Variants in RPS6KC1 observed in about 807,000 individuals in gnomAD.
RPS6KC1 encodes inactive ribosomal protein S6 kinase delta-1.
RPS6KC1 carries 54 observed loss-of-function variants against 103.8 expected under a neutral mutation model. That is an observed-to-expected ratio of 0.52 (90% CI 0.42 to 0.65). The LOEUF (loss-of-function observed/expected upper bound fraction) is 0.65. RPS6KC1 is among the 30% of genes least tolerant of loss of function. The pLI, the probability that RPS6KC1 is intolerant of heterozygous loss-of-function variation, is 0.00. For missense variants in RPS6KC1, 1,151 were observed against 1,253.8 expected, an observed-to-expected ratio of 0.92 and a Z score of 1.24; for synonymous variants, 439 against 438.7, an observed-to-expected ratio of 1.00 and a Z score of -0.01.
the RPS6KC1 span, among the ~76,000 whole-genome samples, chr1:213,862,511 G>T: frequency 1.3e-5 from 2 of 152,024 alleles, no homozygotes; most frequent in African/African-American, 4.8e-5. Context: ...ATAAAGCAGC[G>T]ATTTTTTTTT....
chr1:213,474,852 C>T, the RPS6KC1 span, among the ~76,000 whole-genome samples: 6 of 152,054 alleles, frequency 3.9e-5, no homozygotes, highest in African/African-American at 9.7e-5. Context: ...GCTATGAGGA[C>T]AAAGTTCAAT....
At position 213,272,593 on chromosome 1, in the gene RPS6KC1, C is replaced by T. The variant is rs201703424; in HGVS notation, c.3160C>T (p.Pro1054Ser). Residue 1054 changes from proline to serine, a missense_variant, in exon 15 of 15, where the codon CCA (proline) becomes TCA (serine). By Grantham distance (74) the Pro-to-Ser change is moderately conservative. Transcript: ENST00000366960. Reference sequence around the variant, plus strand: ...TGGTGTTGAAGATATCAAATCTCATCCATTTTTTACCCCTGTGGATTGGGC... The same window carrying T: ...TGGTGTTGAAGATATCAAATCTCATTCATTTTTTACCCCTGTGGATTGGGC... Reference protein sequence around the residue: ...VAGVEDIKSHPFFTPVDWAEL... With the variant: ...VAGVEDIKSHSFFTPVDWAEL... The T allele has an allele frequency of 1.6e-4, 260 of 1,613,830 alleles. No individual in the cohort carries two copies. The highest frequency in any genetic ancestry group is 2.1e-4 in the Non-Finnish European group (253 of 1,179,866).
At chr1:213,383,470 G>T in the RPS6KC1 span, among the ~76,000 whole-genome samples, 2 of 151,968 alleles carry the variant, frequency 1.3e-5, no homozygotes, top group African/African-American at 4.8e-5. Context: ...CCCATTTGCT[G>T]GTTGTGTGCT....
At chr1:213,086,421 C>G (rs2080405903) in intron 3 of RPS6KC1, among the ~76,000 whole-genome samples, 1 of 152,214 alleles carries the variant, frequency 6.6e-6, no homozygotes, top group African/African-American at 2.4e-5. Flanking sequence ...ATTAGAACAG[C>G]TATGTCAGGG....
At chr1:213,205,402 G>A (rs2148617751) in intron 8 of RPS6KC1, 2 of 984,074 alleles carry the variant, frequency 2.0e-6, no homozygotes, top group Middle Eastern at 5.2e-4. Context: ...AATGCATGAA[G>A]CAGTTTGAGT....
chr1:213,794,360 C>G, the RPS6KC1 span: 1 of 152,082 alleles, frequency 6.6e-6, no homozygotes, highest in Admixed American at 6.6e-5. Flanking sequence ...AAAACCTTCT[C>G]CTCTCTGCCC....
chr1:213,687,781 T>C, the RPS6KC1 span, among the ~76,000 whole-genome samples: 1 of 152,232 alleles, frequency 6.6e-6, no homozygotes, highest in Non-Finnish European at 1.5e-5. Flanking sequence ...TCATGGGGAC[T>C]GATAAACTTA....
At chr1:213,848,524 T>G in the RPS6KC1 span, among the ~76,000 whole-genome samples, 8 of 152,172 alleles carry the variant, frequency 5.3e-5, no homozygotes, top group Admixed American at 1.3e-4. Flanking sequence ...TGTACTAGTG[T>G]GTATATACTA....
the RPS6KC1 span, among the ~76,000 whole-genome samples, chr1:213,280,515 G>A: frequency 2.0e-5 from 3 of 152,196 alleles, no homozygotes; most frequent in Non-Finnish European, 4.4e-5. Flanking sequence ...ATACCAGAAT[G>A]TTCTCATTGG....
the RPS6KC1 span, among the ~76,000 whole-genome samples, chr1:213,438,179 G>A: frequency 4.0e-4 from 61 of 152,028 alleles, 1 homozygote; most frequent in South Asian, 0.01. Context: ...TGACATTTCC[G>A]TTTTGCCATC....
At chr1:213,178,312 A>C (rs948502849) in intron 8 of RPS6KC1, among the ~76,000 whole-genome samples, 2 of 151,800 alleles carry the variant, frequency 1.3e-5, no homozygotes, top group African/African-American at 4.8e-5. Context: ...GGCCGAGGCC[A>C]GTGGATCACT....
At chr1:213,482,003 A>G in the RPS6KC1 span, among the ~76,000 whole-genome samples, 1 of 151,406 alleles carries the variant, frequency 6.6e-6, no homozygotes, top group South Asian at 2.1e-4. Flanking sequence ...CTTCCCTCTC[A>G]CTCGCTCCTG....
At chr1:213,684,669 C>A in the RPS6KC1 span, among the ~76,000 whole-genome samples, 1 of 152,224 alleles carries the variant, frequency 6.6e-6, no homozygotes, top group Admixed American at 6.5e-5. Flanking sequence ...TCAGAGCAGT[C>A]CAGGGCCCCC....
the RPS6KC1 span, among the ~76,000 whole-genome samples, chr1:213,569,037 C>T: frequency 6.6e-6 from 1 of 152,156 alleles, no homozygotes; most frequent in East Asian, 1.9e-4. Flanking sequence ...TAACTCCCTT[C>T]CCCCCTCCCC....
At chr1:213,772,616 G>A in the RPS6KC1 span, among the ~76,000 whole-genome samples, 12 of 16,586 alleles carry the variant, frequency 7.2e-4, no homozygotes, top group Middle Eastern at 0.045. Flanking sequence ...GTCCCCTCCC[G>A]GGAAGATGGA....
chr1:213,311,459 G>A, the RPS6KC1 span, among the ~76,000 whole-genome samples: 1 of 152,058 alleles, frequency 6.6e-6, no homozygotes, highest in African/African-American at 2.4e-5. Flanking sequence ...TTTTATCAGG[G>A]TTTACATATA....
the RPS6KC1 span, among the ~76,000 whole-genome samples, chr1:213,337,206 AC>A: frequency 6.6e-6 from 1 of 151,956 alleles, no homozygotes; most frequent in Non-Finnish European, 1.5e-5. Context: ...CCTAAGTCCC[AC>A]CCTCCTCATT....
At chr1:213,662,599 A>G in the RPS6KC1 span, among the ~76,000 whole-genome samples, 2 of 152,070 alleles carry the variant, frequency 1.3e-5, no homozygotes, top group African/African-American at 4.8e-5. Flanking sequence ...TTTCCAAAGC[A>G]TGACTTTAAT....
At chr1:213,414,570 A>T in the RPS6KC1 span, among the ~76,000 whole-genome samples, 1 of 152,106 alleles carries the variant, frequency 6.6e-6, no homozygotes, top group Non-Finnish European at 1.5e-5. Context: ...CACGGGGCAT[A>T]TTGTCCCACA....
Sources: gnomAD v4.1 joint callset for allele counts (sites outside exome capture counted in the v4.1 genomes callset) on GRCh38, gnomAD v4.1.1 for gene constraint, MANE v1.5 for transcripts, NCBI Gene and HGNC (gene_info 2026-07-23, HGNC 2026-07-21) for gene names.